Variants in DYNC2H1 observed in about 807,000 individuals in gnomAD.
The protein encoded by DYNC2H1 is dynein cytoplasmic 2 heavy chain 1.
A neutral mutation model predicts 570.0 loss-of-function variants in DYNC2H1; 410 were observed. The ratio of observed to expected loss-of-function variants is 0.72; its 90% CI spans 0.66 to 0.78. The LOEUF (loss-of-function observed/expected upper bound fraction) is 0.78, where lower values mean the gene tolerates loss of function less well. Among genes scored for constraint, DYNC2H1 ranks in the 30% least tolerant of loss-of-function variants. The probability of loss-of-function intolerance (pLI) is 0.00; values close to 1 mark genes in which losing one functional copy is unlikely to be tolerated. For synonymous variants in DYNC2H1, 1,688 were observed against 1,677.6 expected, an observed-to-expected ratio of 1.01 and a Z score of -0.15; for missense variants, 4,865 against 5,046.4, an observed-to-expected ratio of 0.96 and a Z score of 1.09.
chr11:103,428,697 G>A (rs1943772292), intron 84 of DYNC2H1, among the ~76,000 whole-genome samples: 1 of 151,986 alleles, frequency 6.6e-6, no homozygotes, highest in Non-Finnish European at 1.5e-5. Context: ...GTGAATCCTG[G>A]TATTTTGGGT....
rs568093111 is a variant in DYNC2H1 at position 103,180,938 on chromosome 11, T to C, written c.6348-819T>C. Among the ~76,000 whole-genome samples the C allele has an allele frequency of 3.2e-4, 48 of 151,668 alleles. 1 individual carries two copies. The highest frequency in any genetic ancestry group is 6.7e-4 in the Non-Finnish European group (45 of 67,616). ...TCAAGGCATCAGTGTCATTTATTAA[T>C]TTGCTATGAAACAATGGTGGAAGAT... On this transcript the variant is annotated intron_variant, in intron 39 of 88. Transcript: ENST00000375735.
intron 85 of DYNC2H1, among the ~76,000 whole-genome samples, chr11:103,443,499 T>G (rs191696487): frequency 6.6e-6 from 1 of 151,966 alleles, no homozygotes; most frequent in Non-Finnish European, 1.5e-5. Context: ...CCAATAATAC[T>G]AACTGTTGTA....
chr11:103,118,005 G>T (rs1040116779), intron 6 of DYNC2H1, 142 bp downstream of exon 6: 1 of 633,850 alleles, frequency 1.6e-6, no homozygotes, highest in Non-Finnish European at 2.4e-6. Flanking sequence ...AGTTCTTGTT[G>T]GGCCAGTTTC....
chr11:103,135,452 A>T (rs1859486932), intron 15 of DYNC2H1, 43 bp from the exon 16 acceptor site: 1 of 1,419,588 alleles, frequency 7.0e-7, no homozygotes, highest in African/African-American at 1.4e-5. Context: ...AATCCATTCT[A>T]CTGCCTAATT....
intron 84 of DYNC2H1, among the ~76,000 whole-genome samples, chr11:103,424,325 A>C (rs1943592420): frequency 6.6e-6 from 1 of 152,178 alleles, no homozygotes; most frequent in African/African-American, 2.4e-5. Flanking sequence ...TATAGCTTAA[A>C]TTAAAAAGCC....
intron 55 of DYNC2H1, 61 bp downstream of exon 55, chr11:103,215,919 C>G: frequency 6.5e-7 from 1 of 1,541,844 alleles, no homozygotes; most frequent in Middle Eastern, 1.7e-4. Context: ...GCCTGATAGT[C>G]AGTGAAAAAT....
intron 81 of DYNC2H1, among the ~76,000 whole-genome samples, chr11:103,322,742 A>G (rs1480422954): frequency 6.6e-6 from 1 of 152,198 alleles, no homozygotes; most frequent in Non-Finnish European, 1.5e-5. Flanking sequence ...AAGAGTAAAT[A>G]TTTTTAAATT....
chr11:103,244,104 T>C lies in DYNC2H1; in HGVS notation c.9918+313T>C, dbSNP rs1440543313. Reference sequence around the variant, plus strand: ...TACGTTATGACTAATGACACAAGTATAAGCTGCTGTAGAAGTAGGAGCTTT... The same window carrying C: ...TACGTTATGACTAATGACACAAGTACAAGCTGCTGTAGAAGTAGGAGCTTT... On this transcript the variant is annotated intron_variant, in intron 64 of 88. Coordinates refer to ENST00000375735, the MANE Select transcript of DYNC2H1 (RefSeq NM_001377.3). This position sits in a 1 kb window ranked among gnomAD's most constrained non-coding sequence, Gnocchi z 4.3. 6.6e-6 allele frequency among the ~76,000 whole-genome samples: 1 copy of C among 152,120 alleles called. No individual in the cohort carries two copies. The highest frequency in any genetic ancestry group is 2.4e-5 in the African/African-American group (1 of 41,448).
chr11:103,354,087 G>T (rs979592407), intron 82 of DYNC2H1, among the ~76,000 whole-genome samples: 36 of 147,808 alleles, frequency 2.4e-4, no homozygotes, highest in African/African-American at 8.5e-4. Flanking sequence ...TGAGGCAGGA[G>T]AATCACTTGA....
chr11:103,388,554 G>A (rs964584063), intron 83 of DYNC2H1, among the ~76,000 whole-genome samples: 1 of 152,174 alleles, frequency 6.6e-6, no homozygotes, highest in Admixed American at 6.5e-5. Context: ...AATAGGAATG[G>A]TGAGAGAGGG....
intron 87 of DYNC2H1, among the ~76,000 whole-genome samples, chr11:103,459,403 A>T (rs901575354): frequency 2.6e-5 from 4 of 151,686 alleles, no homozygotes; most frequent in Non-Finnish European, 5.9e-5. Context: ...ATTTTCTAAC[A>T]TACTGTCATT....
chr11:103,262,745 A>G (rs1195987200), intron 70 of DYNC2H1, among the ~76,000 whole-genome samples: 2 of 152,148 alleles, frequency 1.3e-5, no homozygotes, highest in Admixed American at 1.3e-4. Flanking sequence ...CACTGCAAAA[A>G]CATACCAAAT....
At chr11:103,464,753 C>T (rs1007515016) in intron 87 of DYNC2H1, among the ~76,000 whole-genome samples, 4 of 151,928 alleles carry the variant, frequency 2.6e-5, no homozygotes, top group African/African-American at 9.7e-5. Context: ...CTTTAGGAAC[C>T]CAAAGACCAC....
chr11:103,207,232 TTTTTTTTTTTAAAA>T (rs1437069863), intron 52 of DYNC2H1, among the ~76,000 whole-genome samples: 1 of 22,186 alleles, frequency 4.5e-5, no homozygotes, highest in Admixed American at 5.2e-4. Context: ...TGTTTTTTTT[TTTTTTTTTTTAAAA>T]AAAGATGGGA....
chr11:103,291,758 T>C (rs1866609258), intron 75 of DYNC2H1, among the ~76,000 whole-genome samples: 1 of 152,232 alleles, frequency 6.6e-6, no homozygotes, highest in South Asian at 2.1e-4. Flanking sequence ...TATAGATACT[T>C]AGAATTCTTA....
intron 83 of DYNC2H1, among the ~76,000 whole-genome samples, chr11:103,377,308 CTCT>C (rs1319300573): frequency 6.6e-6 from 1 of 152,032 alleles, no homozygotes; most frequent in Non-Finnish European, 1.5e-5. Flanking sequence ...TCTTTTGCTC[CTCT>C]TATTTTTTCC....
At chr11:103,223,682 G>C (rs565096982) in intron 59 of DYNC2H1, among the ~76,000 whole-genome samples, 7 of 151,862 alleles carry the variant, frequency 4.6e-5, no homozygotes, top group Admixed American at 2.0e-4. Context: ...CACCACGCCT[G>C]GCCAAGGAAT....
In DYNC2H1 at chr11:103,133,761, CATT is replaced by C. The variant is rs928392610; in HGVS notation, c.2106+56_2106+58del. 8 of 1,447,960 alleles carry C rather than the reference CATT, an allele frequency of 5.5e-6. 1 individual carries two copies. Among genetic ancestry groups the C allele is most frequent in the Middle Eastern group, 1.8e-4 (1 of 5,564 alleles). The allele number at this position is 1,447,960 out of a possible 1,614,324, so 89.7% of individuals were successfully genotyped here. On this transcript the variant is annotated intron_variant, in intron 14 of 88. Transcript: ENST00000375735. This position sits in a 1 kb window ranked among gnomAD's most constrained non-coding sequence, Gnocchi z 4.8. ...CTATGAATGATATTATTTAAAAAGTCATTAAGATACAATTTTTAAAAACTTATT... is the reference window on the plus strand; with the variant it reads ...CTATGAATGATATTATTTAAAAAGTCAAGATACAATTTTTAAAAACTTATT...
rs1867604898 is a variant in DYNC2H1, at chr11:103,311,888, G to A, written c.11504G>A (p.Gly3835Asp). 5.6e-6 allele frequency: 9 copies of A among 1,607,886 alleles called. No individual in the cohort carries two copies. The highest frequency in any genetic ancestry group is 7.6e-6 in the Non-Finnish European group (9 of 1,177,612). ...TGATTTTTTTTCTAGTCACCTCCAGGTTTAAAGAAGAATTTAATGCGTACT... is the reference window on the plus strand; with the variant it reads ...TGATTTTTTTTCTAGTCACCTCCAGATTTAAAGAAGAATTTAATGCGTACT... The part of the protein sequence containing the change: ...SLKITYESPP[G>D]LKKNLMRTYE... Residue 3835 changes from glycine to aspartate, a missense_variant, in exon 79 of 89, where the codon GGT becomes GAT. Around this residue, in one of 5 missense-constraint regions of DYNC2H1, gnomAD observed 2,401 missense variants for 2,454.6 expected, o/e 0.98. Coordinates refer to ENST00000375735, the MANE Select transcript of DYNC2H1 (RefSeq NM_001377.3).
Sources: gnomAD v4.1 joint callset for allele counts (sites outside exome capture counted in the v4.1 genomes callset) on GRCh38, gnomAD v4.1.1 for gene constraint, gnomAD v4.1.1 regional missense constraint, Gnocchi (gnomAD v3.1) non-coding constraint, MANE v1.5 for transcripts, NCBI Gene and HGNC (gene_info 2026-07-23, HGNC 2026-07-21) for gene names.